The following IMMP2L variants were observed in gnomAD, a reference collection of about 807,000 sequenced individuals.
IMMP2L encodes the protein inner mitochondrial membrane peptidase subunit 2.
A neutral mutation model predicts 19.3 loss-of-function variants in IMMP2L; 18 were observed. That is an observed-to-expected ratio of 0.93 (90% CI 0.64 to 1.38). The LOEUF (loss-of-function observed/expected upper bound fraction) is 1.38. Ranked by LOEUF, IMMP2L falls within the 40% of genes most tolerant of loss-of-function variation. The probability of loss-of-function intolerance (pLI) is 0.00; values close to 1 mark genes in which losing one functional copy is unlikely to be tolerated. For missense variants in IMMP2L, 233 were observed against 218.2 expected (o/e 1.07, Z -0.43); for synonymous variants, 76 against 73.0 (o/e 1.04, Z -0.21).
Position 111,264,542 on chromosome 7 carries a change from C to A in IMMP2L, c.239+222696G>T, listed in dbSNP as rs1220706531. Among the ~76,000 whole-genome samples the A allele has an allele frequency of 2.0e-5, 3 of 151,596 alleles. No individual in the cohort carries two copies. In the East Asian group the frequency reaches 5.8e-4, roughly 29 times the overall value. Reference sequence around the variant, plus strand: ...TTTTAGGTTTTCGCCCAACAGGAATCAAATCTGTGAATAGAGAATTTAAGG... The same window carrying A: ...TTTTAGGTTTTCGCCCAACAGGAATAAAATCTGTGAATAGAGAATTTAAGG... On this transcript the variant is annotated intron_variant, in intron 3 of 5. Coordinates refer to ENST00000405709, the MANE Select transcript of IMMP2L (RefSeq NM_032549.4).
chr7:110,675,724 T>G (rs1410404124), intron 5 of IMMP2L, among the ~76,000 whole-genome samples: 2 of 152,056 alleles, frequency 1.3e-5, no homozygotes, highest in Non-Finnish European at 2.9e-5. Context: ...ATAAATTTGG[T>G]TCCTCATCAA....
In IMMP2L at chr7:110,715,881, G is replaced by A. The variant is rs1795204544; in HGVS notation, c.409-52160C>T. The stretch of plus-strand genomic sequence containing the variant: ...GATGTTAAAGTCTCCCACTATTACT[G>A]AGTAGCTATCTAAGTATTTTCCTAA... On this transcript the variant is annotated intron_variant, in intron 5 of 5. Transcript: ENST00000405709. Among the ~76,000 whole-genome samples the A allele has an allele frequency of 5.9e-5, 9 of 152,066 alleles. No individual in the cohort carries two copies. In the South Asian group the frequency reaches 1.9e-3, roughly 32 times the overall value.
At chr7:111,264,460 A>G (rs1020339943) in intron 3 of IMMP2L, among the ~76,000 whole-genome samples, 3 of 152,078 alleles carry the variant, frequency 2.0e-5, no homozygotes, top group Non-Finnish European at 4.4e-5. Context: ...TTTGGCAAAT[A>G]TATCTCTGAA....
At chr7:110,893,361 T>C (rs1159293747) in intron 4 of IMMP2L, among the ~76,000 whole-genome samples, 1 of 152,116 alleles carries the variant, frequency 6.6e-6, no homozygotes, top group African/African-American at 2.4e-5. Flanking sequence ...TAAAACAAGG[T>C]ATGACTGTAA....
intron 3 of IMMP2L, among the ~76,000 whole-genome samples, chr7:111,089,145 G>A (rs990770878): frequency 4.6e-5 from 7 of 152,012 alleles, no homozygotes; most frequent in African/African-American, 1.7e-4. Context: ...ACATATAAAT[G>A]GCTACCTTTA....
intron 3 of IMMP2L, among the ~76,000 whole-genome samples, chr7:111,223,730 T>C (rs1586907983): frequency 6.6e-6 from 1 of 152,098 alleles, no homozygotes; most frequent in Non-Finnish European, 1.5e-5. Flanking sequence ...CAGTTCTTCT[T>C]GCAGCTGAAA....
chr7:111,314,174 T>C (rs934391892), intron 3 of IMMP2L, among the ~76,000 whole-genome samples: 1 of 152,070 alleles, frequency 6.6e-6, no homozygotes, highest in African/African-American at 2.4e-5. Context: ...TCTATAGCAA[T>C]GTGAGAATAG....
intron 3 of IMMP2L, among the ~76,000 whole-genome samples, chr7:111,278,521 G>C (rs922518783): frequency 2.6e-5 from 4 of 152,104 alleles, no homozygotes; most frequent in African/African-American, 9.7e-5. Flanking sequence ...CATTGTCAAT[G>C]CTTCACTAAA....
intron 3 of IMMP2L, among the ~76,000 whole-genome samples, chr7:111,271,217 C>T (rs189470025): frequency 6.6e-6 from 1 of 152,170 alleles, no homozygotes; most frequent in East Asian, 1.9e-4. Flanking sequence ...GTTTGCTTCC[C>T]TTTCCATCAT....
intron 3 of IMMP2L, among the ~76,000 whole-genome samples, chr7:111,475,258 A>G (rs1190111788): frequency 2.0e-5 from 3 of 152,102 alleles, no homozygotes; most frequent in African/African-American, 7.2e-5. Flanking sequence ...TTTTTTTAAA[A>G]GGCATTCCTG....
chr7:110,663,388 G>A lies in IMMP2L; in HGVS notation c.*214C>T. On this transcript the variant is annotated 3_prime_UTR_variant, in exon 6 of 6. Coordinates refer to ENST00000405709, the MANE Select transcript of IMMP2L (RefSeq NM_032549.4). ...CATATTTTGGGGGCATTAAACAACA[G>A]GGAACTAAAATTTAACACAAAATCA... 2.3e-6 allele frequency: 1 copy of A among 432,090 alleles called. No homozygotes were observed. Among genetic ancestry groups the A allele is most frequent in the Non-Finnish European group, 4.1e-6 (1 of 244,672 alleles). 26.8% of individuals were successfully genotyped at this position (432,090 alleles called of 1,614,324 possible).
At chr7:111,382,999 T>C (rs997245565) in intron 3 of IMMP2L, among the ~76,000 whole-genome samples, 6 of 152,072 alleles carry the variant, frequency 3.9e-5, no homozygotes, top group African/African-American at 1.4e-4. Flanking sequence ...ATCTTTAATC[T>C]ACTCTGTGGC....
chr7:111,300,087 T>C (rs1265969660), intron 3 of IMMP2L, among the ~76,000 whole-genome samples: 1 of 152,230 alleles, frequency 6.6e-6, no homozygotes, highest in Non-Finnish European at 1.5e-5. Flanking sequence ...AAGAGGTTCT[T>C]AGTTGAGTAA....
At chr7:111,266,517 T>C (rs1313643938) in intron 3 of IMMP2L, among the ~76,000 whole-genome samples, 3 of 149,864 alleles carry the variant, frequency 2.0e-5, no homozygotes, top group Non-Finnish European at 3.0e-5. Context: ...CACTCCAGCC[T>C]TGGCAACAGA....
chr7:110,814,087 C>G (rs1015820037), intron 5 of IMMP2L, among the ~76,000 whole-genome samples: 5 of 151,970 alleles, frequency 3.3e-5, no homozygotes, highest in African/African-American at 9.7e-5. Flanking sequence ...GGATTGGGCT[C>G]TCTCTGCTTG....
Position 111,341,277 on chromosome 7 carries a change from A to C in IMMP2L, c.239+145961T>G, listed in dbSNP as rs1826982526. On this transcript the variant is annotated intron_variant, in intron 3 of 5. Transcript: ENST00000405709. ...AGAAAAGTTCTCAAGATATTAAATC[A>C]ATTTTATTCATTTAACAAATATTTA... 2.0e-5 allele frequency among the ~76,000 whole-genome samples: 3 copies of C among 152,106 alleles called. No individual in the cohort carries two copies. In the South Asian group the frequency reaches 6.2e-4, roughly 32 times the overall value.
At chr7:111,514,230 T>C (rs189529601) in intron 2 of IMMP2L, among the ~76,000 whole-genome samples, 40 of 152,244 alleles carry the variant, frequency 2.6e-4, no homozygotes, top group Admixed American at 2.4e-3. Context: ...AAAGGGTATG[T>C]TAATTAGTTT....
intron 3 of IMMP2L, among the ~76,000 whole-genome samples, chr7:111,000,615 AG>A (rs1823566505): frequency 6.6e-6 from 1 of 152,172 alleles, no homozygotes; most frequent in Admixed American, 6.6e-5. Flanking sequence ...AGACCAAGGC[AG>A]GCAGATCATT....
At chr7:110,688,731 A>C (rs1455446206) in intron 5 of IMMP2L, among the ~76,000 whole-genome samples, 1 of 152,094 alleles carries the variant, frequency 6.6e-6, no homozygotes, top group East Asian at 1.9e-4. Context: ...CAATAAAGAT[A>C]TATATAGTAT....
Sources: gnomAD v4.1 joint callset for allele counts (sites outside exome capture counted in the v4.1 genomes callset) on GRCh38, gnomAD v4.1.1 for gene constraint, MANE v1.5 for transcripts, NCBI Gene and HGNC (gene_info 2026-07-23, HGNC 2026-07-21) for gene names.